USP53: variants seen among roughly 807,000 people sequenced by gnomAD.
The protein encoded by USP53 is ubiquitin specific peptidase 53, also known as ubiquitin carboxyl-terminal hydrolase 53.
A neutral mutation model predicts 94.9 loss-of-function variants in USP53; 71 were observed. That is an observed-to-expected ratio of 0.75 (90% confidence interval 0.62 to 0.91). USP53 has a LOEUF of 0.91. USP53 is among the 40% of genes least tolerant of loss of function. USP53 has a pLI of 0.00. For synonymous variants in USP53, 375 were observed against 422.7 expected (o/e 0.89, Z 1.39); for missense variants, 1,173 against 1,281.0 (o/e 0.92, Z 1.29).
At chr4:119,217,455 C>G (rs548934748) in intron 2 of USP53, 95 bp from the exon 3 acceptor site, 54 of 152,154 alleles carry the variant, frequency 3.5e-4, no homozygotes, top group African/African-American at 1.2e-3. Context: ...CTGTTTTTTC[C>G]AAAGGGTTTG....
chr4:119,260,312 T>C (rs1288024788), intron 10 of USP53, among the ~76,000 whole-genome samples, 195 bp from the exon 11 acceptor site: 2 of 152,150 alleles, frequency 1.3e-5, no homozygotes, highest in Non-Finnish European at 2.9e-5. Context: ...TACAAAATTA[T>C]CAAAGAATAC....
intron 17 of USP53, among the ~76,000 whole-genome samples, chr4:119,285,337 G>A (rs1475103786): frequency 6.6e-6 from 1 of 151,778 alleles, no homozygotes; most frequent in African/African-American, 2.4e-5. Context: ...GTACATAGTA[G>A]GTTAGGATAT....
chr4:119,275,689 A>C (rs1752536425), intron 17 of USP53, among the ~76,000 whole-genome samples: 1 of 151,946 alleles, frequency 6.6e-6, no homozygotes, highest in African/African-American at 2.4e-5. Context: ...TACCTTGGGC[A>C]GTATGGCCAT....
intron 3 of USP53, among the ~76,000 whole-genome samples, chr4:119,234,542 T>C (rs1298439154): frequency 6.6e-6 from 1 of 152,192 alleles, no homozygotes; most frequent in Non-Finnish European, 1.5e-5. Flanking sequence ...ATAAAAATAG[T>C]TCATGGGGCA....
At chr4:119,272,392 C>T (rs13113462) in intron 16 of USP53, 17,177 of 163,694 alleles carry the variant, frequency 0.1, 1,018 homozygotes, top group Non-Finnish European at 0.13. Flanking sequence ...TCATCTAAGT[C>T]ATTAAGGTGG....
At chr4:119,291,143 T>TGCCCA in intron 17 of USP53, 22 bp from the exon 18 acceptor site, 1 of 747,564 alleles carries the variant, frequency 1.3e-6, no homozygotes, top group Non-Finnish European at 2.1e-6. Flanking sequence ...TCATCTCTTC[T>TGCCCA]CCCCACCCCA....
intron 3 of USP53, chr4:119,219,959 A>C (rs1298910343): frequency 6.6e-6 from 1 of 152,074 alleles, no homozygotes; most frequent in Admixed American, 6.5e-5. Context: ...GTTCATTTTA[A>C]AGTTCAAATT....
At chr4:119,247,073 T>C (rs1163195512) in intron 6 of USP53, among the ~76,000 whole-genome samples, 6 of 152,174 alleles carry the variant, frequency 3.9e-5, no homozygotes, top group Non-Finnish European at 8.8e-5. Flanking sequence ...GGGTTATTGT[T>C]AGGACATGAA....
At chr4:119,269,898 C>G in intron 15 of USP53, 61 bp downstream of exon 15, 1 of 1,158,346 alleles carries the variant, frequency 8.6e-7, no homozygotes. Context: ...TATTTTAAAA[C>G]TGAATTTTAT....
chr4:119,238,295 A>C (rs1039281344), intron 4 of USP53, among the ~76,000 whole-genome samples: 1 of 152,128 alleles, frequency 6.6e-6, no homozygotes, highest in African/African-American at 2.4e-5. Context: ...CCTAGGGGCC[A>C]TTGTAGGGTT....
intron 3 of USP53, chr4:119,219,023 A>G (rs1744167439): frequency 6.6e-6 from 1 of 152,234 alleles, no homozygotes; most frequent in Admixed American, 6.5e-5. Context: ...CTAATATGGA[A>G]TTATGGATAT....
intron 9 of USP53, among the ~76,000 whole-genome samples, chr4:119,259,224 T>C (rs146799636): frequency 2.1e-5 from 3 of 142,736 alleles, no homozygotes; most frequent in African/African-American, 7.9e-5. Flanking sequence ...GAGGTTGCGG[T>C]GAGCCAAGAT....
intron 3 of USP53, among the ~76,000 whole-genome samples, chr4:119,223,173 G>T (rs1405353198): frequency 6.6e-6 from 1 of 152,166 alleles, no homozygotes; most frequent in East Asian, 1.9e-4. Flanking sequence ...ATTAAAGGAA[G>T]CTTAAATTAC....
chr4:119,245,011 A>G, intron 5 of USP53, among the ~76,000 whole-genome samples: 1 of 152,156 alleles, frequency 6.6e-6, no homozygotes, highest in Non-Finnish European at 1.5e-5. Flanking sequence ...GTCTCTGCCA[A>G]CTTCTCTATT....
chr4:119,226,547 T>G (rs1344729120), intron 3 of USP53, among the ~76,000 whole-genome samples: 2 of 152,116 alleles, frequency 1.3e-5, no homozygotes, highest in Non-Finnish European at 2.9e-5. Context: ...AGAGATAAAT[T>G]TAAAAATATA....
intron 17 of USP53, among the ~76,000 whole-genome samples, chr4:119,274,871 G>T (rs1157993322): frequency 6.9e-5 from 9 of 130,994 alleles, no homozygotes; most frequent in African/African-American, 1.1e-4. Context: ...TTTTTCATGT[G>T]TTTTTTGGCT....
In USP53 at chr4:119,271,478, C is replaced by T. The variant is rs1362702709; in HGVS notation, c.1618C>T (p.Leu540Phe). The change falls in exon 16 of 19, where the codon CTT becomes TTT. Residue 540 changes from leucine (L) to phenylalanine (F), a missense_variant. By Grantham distance (22) the Leu-to-Phe change is conservative. Transcript: ENST00000692078. ...AATAAGTTCAAGTAAATCCCAGATT[C>T]TTGCTCCAGGAGAGAAAATAACTGG... The part of the protein sequence containing the change: ...QIISSSKSQI[L>F]APGEKITGKV... 8 of 1,613,584 alleles carry T rather than the reference C, an allele frequency of 5.0e-6. No individual in the cohort carries two copies. The highest frequency in any genetic ancestry group is 5.9e-6 in the Non-Finnish European group (7 of 1,179,972).
intron 17 of USP53, among the ~76,000 whole-genome samples, chr4:119,279,589 C>T (rs1753196626): frequency 6.6e-6 from 1 of 151,462 alleles, no homozygotes; most frequent in Non-Finnish European, 1.5e-5. Context: ...GTGGAGCCTA[C>T]AGAGGCAGGC....
At chr4:119,253,144 C>T (rs989047689) in intron 7 of USP53, among the ~76,000 whole-genome samples, 3 of 152,002 alleles carry the variant, frequency 2.0e-5, no homozygotes, top group African/African-American at 7.3e-5. Flanking sequence ...GTTTTACTTC[C>T]AATTATGTGG....
Sources: allele counts gnomAD v4.1 joint callset (sites outside exome capture counted in the v4.1 genomes callset), GRCh38; gene constraint gnomAD v4.1.1; transcripts MANE v1.5; gene names NCBI Gene and HGNC (gene_info 2026-07-23, HGNC 2026-07-21).